Variants in HS3ST4 observed in about 807,000 individuals in gnomAD.
HS3ST4 encodes heparan sulfate glucosamine 3-O-sulfotransferase 4.
Under a neutral mutation model 29.2 loss-of-function variants are expected in HS3ST4, and 17 were observed. That is an observed-to-expected ratio of 0.58 (90% CI 0.40 to 0.87). The LOEUF (loss-of-function observed/expected upper bound fraction) is 0.87. Among genes scored for constraint, HS3ST4 ranks in the 40% least tolerant of loss-of-function variants. The pLI, the probability that HS3ST4 is intolerant of heterozygous loss-of-function variation, is 0.00. For missense variants in HS3ST4, 627 were observed against 634.5 expected, an observed-to-expected ratio of 0.99 and a Z score of 0.13; for synonymous variants, 314 against 285.7, an observed-to-expected ratio of 1.10 and a Z score of -1.00.
At chr16:26,070,377 A>G (rs1327060070) in intron 1 of HS3ST4, among the ~76,000 whole-genome samples, 3 of 152,120 alleles carry the variant, frequency 2.0e-5, no homozygotes, top group African/African-American at 2.4e-5. Flanking sequence ...GTCTGTTCAT[A>G]TCCTTCATAG....
At chr16:25,693,627 G>T (rs1966273101) in intron 1 of HS3ST4, among the ~76,000 whole-genome samples, 1 of 152,194 alleles carries the variant, frequency 6.6e-6, no homozygotes, top group Non-Finnish European at 1.5e-5. Context: ...CAACTTTAGT[G>T]TGTTAAGGTC....
rs74012495 is a variant in HS3ST4 at position 25,776,926 on chromosome 16, C to T, written c.734+83775C>T. On this transcript the variant is annotated intron_variant, in intron 1 of 1. Transcript: ENST00000331351. Reference sequence around the variant, plus strand: ...TTTGTCTAATTCTACTGATTGAATACGTTCTGTTTTTACTAACAAAATATA... The same window carrying T: ...TTTGTCTAATTCTACTGATTGAATATGTTCTGTTTTTACTAACAAAATATA... Among the ~76,000 whole-genome samples the T allele has an allele frequency of 4.8e-3, 734 of 152,302 alleles. 3 individuals carry two copies. Among genetic ancestry groups the T allele is most frequent in the African/African-American group, 0.017 (707 of 41,578 alleles).
At chr16:25,757,002 T>C (rs1340499588) in intron 1 of HS3ST4, among the ~76,000 whole-genome samples, 1 of 152,210 alleles carries the variant, frequency 6.6e-6, no homozygotes, top group Non-Finnish European at 1.5e-5. Flanking sequence ...TACCTAGCCA[T>C]GTGTCTCCTA....
At chr16:25,953,174 T>C in intron 1 of HS3ST4, among the ~76,000 whole-genome samples, 1 of 152,108 alleles carries the variant, frequency 6.6e-6, no homozygotes, top group East Asian at 1.9e-4. Context: ...AGTGAGTAAG[T>C]TATGCTTAGC....
intron 1 of HS3ST4, among the ~76,000 whole-genome samples, chr16:25,760,573 C>A (rs896151336): frequency 1.3e-5 from 2 of 152,024 alleles, no homozygotes; most frequent in Non-Finnish European, 2.9e-5. Flanking sequence ...CACCTGCCAC[C>A]ACACCTAGCT....
chr16:25,970,852 CCTTT>C (rs952262644), intron 1 of HS3ST4, among the ~76,000 whole-genome samples: 8 of 151,978 alleles, frequency 5.3e-5, no homozygotes, highest in African/African-American at 1.9e-4. Flanking sequence ...GTACAAGCAT[CCTTT>C]CTTTCTTTTT....
intron 1 of HS3ST4, among the ~76,000 whole-genome samples, chr16:26,084,954 T>G (rs545180690): frequency 3.3e-5 from 5 of 152,220 alleles, no homozygotes; most frequent in African/African-American, 1.2e-4. Context: ...TCTTTATCCT[T>G]TGAGTTCCTG....
At chr16:25,910,540 G>A (rs1466061683) in intron 1 of HS3ST4, among the ~76,000 whole-genome samples, 1 of 152,082 alleles carries the variant, frequency 6.6e-6, no homozygotes, top group Admixed American at 6.6e-5. Context: ...CTACTTGGGA[G>A]GCTGAGGCAG....
chr16:25,991,260 C>A (rs903395727), intron 1 of HS3ST4, among the ~76,000 whole-genome samples: 2 of 152,196 alleles, frequency 1.3e-5, no homozygotes, highest in Non-Finnish European at 2.9e-5. Context: ...TGGAACATTT[C>A]TTGCTTCAAT....
chr16:25,907,283 A>G (rs754092072), intron 1 of HS3ST4, among the ~76,000 whole-genome samples: 7 of 152,194 alleles, frequency 4.6e-5, no homozygotes, highest in African/African-American at 7.2e-5. Context: ...AGATGAAAAG[A>G]CTGAGACTTG....
At chr16:26,075,003 G>T (rs144495110) in intron 1 of HS3ST4, among the ~76,000 whole-genome samples, 3 of 152,254 alleles carry the variant, frequency 2.0e-5, no homozygotes, top group African/African-American at 7.2e-5. Flanking sequence ...GGCCAGCCTG[G>T]CTGACATGGT....
intron 1 of HS3ST4, among the ~76,000 whole-genome samples, chr16:25,843,305 G>A (rs1020639293): frequency 6.6e-5 from 10 of 152,144 alleles, no homozygotes; most frequent in Admixed American, 3.9e-4. Flanking sequence ...GTCACATGTG[G>A]CCACTCCATA....
At chr16:25,769,797 C>G (rs1966839620) in intron 1 of HS3ST4, among the ~76,000 whole-genome samples, 1 of 152,146 alleles carries the variant, frequency 6.6e-6, no homozygotes, top group African/African-American at 2.4e-5. Context: ...TCTGCAGCAG[C>G]CTCCCTTTGT....
intron 1 of HS3ST4, among the ~76,000 whole-genome samples, chr16:25,888,686 A>T (rs1967978577): frequency 1.3e-5 from 2 of 152,212 alleles, no homozygotes; most frequent in Admixed American, 1.3e-4. Flanking sequence ...CAGACAAAGT[A>T]GTAGAAGAGG....
intron 1 of HS3ST4, among the ~76,000 whole-genome samples, chr16:25,900,570 G>A (rs73515364): frequency 0.041 from 6,258 of 152,228 alleles, 435 homozygotes; most frequent in African/African-American, 0.14. Context: ...TGTGCCAGGC[G>A]TGTTAGGAGT....
At chr16:26,070,950 C>T (rs1391498446) in intron 1 of HS3ST4, among the ~76,000 whole-genome samples, 1 of 152,224 alleles carries the variant, frequency 6.6e-6, no homozygotes, top group Non-Finnish European at 1.5e-5. Flanking sequence ...GGAAATGCTC[C>T]TCTGGGGAGA....
At chr16:25,742,613 C>G (rs1409718252) in intron 1 of HS3ST4, among the ~76,000 whole-genome samples, 2 of 152,196 alleles carry the variant, frequency 1.3e-5, no homozygotes, top group African/African-American at 4.8e-5. Context: ...CAAGTGAAAG[C>G]AACAGAGGTC....
intron 1 of HS3ST4, among the ~76,000 whole-genome samples, chr16:25,842,938 G>A (rs1967431115): frequency 6.6e-6 from 1 of 152,110 alleles, no homozygotes. Flanking sequence ...ATTAAATGAA[G>A]CATTTAAAAA....
intron 1 of HS3ST4, among the ~76,000 whole-genome samples, chr16:25,872,269 GCTTTGTCACACCAGTGTGTTCA>G (rs6145791): frequency 0.14 from 21,146 of 152,166 alleles, 1,836 homozygotes; most frequent in South Asian, 0.27. Flanking sequence ...GAAAGAAATG[GCTTTGTCACACCAGTGTGTTCA>G]CTTAGTCTGC....
Sources: allele counts gnomAD v4.1 joint callset (sites outside exome capture counted in the v4.1 genomes callset), GRCh38; gene constraint gnomAD v4.1.1; transcripts MANE v1.5; gene names NCBI Gene and HGNC (gene_info 2026-07-23, HGNC 2026-07-21).